PRPF3: variants seen among roughly 807,000 people sequenced by gnomAD.
PRPF3 encodes the protein pre-mRNA processing factor 3.
In PRPF3, 3 loss-of-function variants were observed where a neutral mutation model predicts 89.2. The observed-to-expected ratio is 0.03, with a 90% CI of 0.02 to 0.09. The LOEUF (loss-of-function observed/expected upper bound fraction) is 0.09. Among genes scored for constraint, PRPF3 ranks in the 10% least tolerant of loss-of-function variants. The pLI is 1.00. For missense variants in PRPF3, 463 were observed against 828.8 expected, an observed-to-expected ratio of 0.56 and a Z score of 5.42; for synonymous variants, 270 against 289.1, an observed-to-expected ratio of 0.93 and a Z score of 0.67.
chr1:150,338,121 T>G, intron 7 of PRPF3, 39 bp from the exon 8 acceptor site: 1 of 1,602,422 alleles, frequency 6.2e-7, no homozygotes, highest in Non-Finnish European at 8.5e-7. Context: ...TTTCTATGAC[T>G]CCAATTTATC....
intron 14 of PRPF3, chr1:150,348,850 C>T: frequency 5.4e-6 from 2 of 368,756 alleles, no homozygotes; most frequent in Non-Finnish European, 1.0e-5. Context: ...ATGAAGCCTG[C>T]CTCCCAAAGT....
chr1:150,334,999 G>C lies in PRPF3; in HGVS notation c.793G>C (p.Val265Leu). The C allele has an allele frequency of 6.2e-7, 1 of 1,614,118 alleles. No homozygotes were observed. Residue 265 changes from valine (V) to leucine (L), a missense_variant, in exon 7 of 16, where the codon GTA becomes CTA. This residue lies in a region of PRPF3 where 261 missense variants were observed against 475.8 expected (regional missense o/e 0.55). Coordinates refer to ENST00000324862, the MANE Select transcript of PRPF3 (RefSeq NM_004698.4). ...PLILDEQGRT[V>L]DATGKEIELT... The stretch of plus-strand genomic sequence containing the variant: ...GATCCTGGATGAGCAAGGGCGCACT[G>C]TAGATGCAACAGGCAAGGAGATTGA...
At chr1:150,342,505 TACACACACAC>T (rs147409085) in intron 9 of PRPF3, among the ~76,000 whole-genome samples, 1 of 150,834 alleles carries the variant, frequency 6.6e-6, no homozygotes, top group Non-Finnish European at 1.5e-5. Flanking sequence ...TTAAAGTTTA[TACACACACAC>T]ACACACACAC....
Position 150,344,532 on chromosome 1 carries a change from A to T in PRPF3, c.1625A>T (p.His542Leu). 1 of 1,614,070 alleles carries T rather than the reference A, an allele frequency of 6.2e-7. No homozygotes were observed. The highest frequency in any genetic ancestry group is 8.5e-7 in the Non-Finnish European group (1 of 1,179,976). ...KLKEDISQGV[H>L]ISVYRVRNLS... is the part of the protein sequence containing the mutation. ...AAAGAAGACATTTCACAGGGGGTAC[A>T]CATATCTGTATATAGGTAGGTGTCC... The change falls in exon 12 of 16, where the codon CAC (histidine) becomes CTC (leucine). Residue 542 changes from histidine (H) to leucine (L), a missense_variant. His to Leu is a moderately conservative substitution (Grantham distance 99). This residue lies in a region of PRPF3 where 261 missense variants were observed against 475.8 expected (regional missense o/e 0.55). Coordinates refer to ENST00000324862, the MANE Select transcript of PRPF3 (RefSeq NM_004698.4).
intron 2 of PRPF3, 124 bp from the exon 3 acceptor site, chr1:150,325,627 C>CA (rs782574828): frequency 2.3e-5 from 30 of 1,324,516 alleles, no homozygotes; most frequent in Non-Finnish European, 3.2e-5. Context: ...GGGAATCCTA[C>CA]AAAAAACTTA....
intron 7 of PRPF3, 27 bp from the exon 8 acceptor site, chr1:150,338,133 T>G (rs1553868756): frequency 6.2e-7 from 1 of 1,612,642 alleles, no homozygotes; most frequent in African/African-American, 1.3e-5. Context: ...CAATTTATCT[T>G]TCTGTCTTGG....
At chr1:150,340,318 T>C in intron 8 of PRPF3, 80 bp from the exon 9 acceptor site, 1 of 1,093,046 alleles carries the variant, frequency 9.1e-7, no homozygotes, top group Non-Finnish European at 1.4e-6. Flanking sequence ...GAGTGGGTTT[T>C]TTCATTGTAT....
At chr1:150,332,000 G>A (rs1275812374) in intron 4 of PRPF3, among the ~76,000 whole-genome samples, 6 of 151,912 alleles carry the variant, frequency 3.9e-5, no homozygotes, top group South Asian at 2.1e-4. Context: ...CGAGGTGGGC[G>A]GATCACGAGG....
intron 7 of PRPF3, among the ~76,000 whole-genome samples, chr1:150,337,334 C>T (rs1230034276): frequency 2.6e-5 from 4 of 151,912 alleles, no homozygotes; most frequent in South Asian, 2.1e-4. Flanking sequence ...CCACCACACC[C>T]GGCCATAAAA....
rs1168588697 is a variant in PRPF3 at position 150,346,444 on chromosome 1, T to A, written c.1796T>A (p.Leu599Gln). The A allele has an allele frequency of 6.2e-7, 1 of 1,613,920 alleles. No homozygotes were observed. The highest frequency in any genetic ancestry group is 1.3e-5 in the African/African-American group (1 of 74,900). ...KAQKKFKRLM[L>Q]HRIKWDEQTS... is the part of the protein sequence containing the mutation. ...CAGAAGAAATTTAAGCGTCTTATGC[T>A]GCATCGGATAAAGTGGGATGAACAG... Residue 599 changes from leucine to glutamine, a missense_variant, in exon 14 of 16, where the codon CTG becomes CAG. By Grantham distance (113) the Leu-to-Gln change is moderately radical (BLOSUM62 -2). This residue lies in a region of PRPF3 where 261 missense variants were observed against 475.8 expected (regional missense o/e 0.55). Transcript: ENST00000324862.
intron 1 of PRPF3, among the ~76,000 whole-genome samples, chr1:150,324,554 T>A (rs1446336400): frequency 4.5e-4 from 5 of 11,100 alleles, no homozygotes; most frequent in Non-Finnish European, 3.9e-3. Flanking sequence ...ATCACTTTAG[T>A]CTTTTTTTTT....
intron 4 of PRPF3, chr1:150,330,087 C>CT (rs1656171832): frequency 6.6e-6 from 1 of 152,090 alleles, no homozygotes; most frequent in Non-Finnish European, 1.5e-5. Flanking sequence ...CAAGGTCTCA[C>CT]TTTTTTGTCC....
chr1:150,342,500 G>A (rs1282459161), intron 9 of PRPF3, among the ~76,000 whole-genome samples: 7 of 131,766 alleles, frequency 5.3e-5, no homozygotes, highest in African/African-American at 1.7e-4. Context: ...TCTATTTAAA[G>A]TTTATACACA....
In PRPF3 at chr1:150,335,045, C is replaced by T; in HGVS notation, c.839C>T (p.Thr280Ile). 6.2e-7 allele frequency: 1 copy of T among 1,614,102 alleles called. No homozygotes were observed. The highest frequency in any genetic ancestry group is 8.5e-7 in the Non-Finnish European group (1 of 1,180,012). ...KEIELTHRMP[T>I]LKANIRAVKR... ...ATTGAGCTGACACACCGCATGCCTA[C>T]TCTGAAAGCCAATATTCGTGCTGTG... is the stretch of plus-strand genomic sequence containing the variant. Residue 280 changes from threonine (T) to isoleucine (I), a missense_variant, in exon 7 of 16, where the codon ACT (threonine) becomes ATT (isoleucine). By Grantham distance (89) the Thr-to-Ile change is moderately conservative. Around this residue, in one of 8 missense-constraint regions of PRPF3, gnomAD observed 261 missense variants for 475.8 expected, o/e 0.55. Transcript: ENST00000324862.
chr1:150,328,805 G>T (rs1033324338), intron 4 of PRPF3, among the ~76,000 whole-genome samples: 1 of 151,580 alleles, frequency 6.6e-6, no homozygotes, highest in African/African-American at 2.4e-5. Flanking sequence ...CACTCACCTT[G>T]GCCTCTCAGA....
At position 150,324,890 on chromosome 1, in the gene PRPF3, T is replaced by TTTTTTAGGTG; in HGVS notation, c.-48-3_-48-2insTTTAGGTGTT. 1 of 1,579,690 alleles carries TTTTTTAGGTG rather than the reference T, an allele frequency of 6.3e-7. No homozygotes were observed. On this transcript the variant is annotated splice_region_variant and splice_polypyrimidine_tract_variant and intron_variant, in intron 1 of 15. Transcript: ENST00000324862. ...TTCTCTAACTTGTCTCTTTTTTTTT[T>TTTTTTAGGTG]TTAGGTGTAGTATTGAGTCCTGTTT... is the stretch of plus-strand genomic sequence containing the variant.
chr1:150,344,288 C>A (rs1658067998), intron 11 of PRPF3, 27 bp downstream of exon 11: 1 of 1,613,896 alleles, frequency 6.2e-7, no homozygotes, highest in Admixed American at 1.7e-5. Context: ...TGGGTGGAAA[C>A]CTCGGGCAAG....
chr1:150,333,847 C>T (rs1656686810), intron 6 of PRPF3, among the ~76,000 whole-genome samples: 1 of 152,044 alleles, frequency 6.6e-6, no homozygotes, highest in South Asian at 2.1e-4. Context: ...TGCAACTGGT[C>T]AAAGATGTTA....
At chr1:150,346,865 T>C (rs752754013) in intron 14 of PRPF3, among the ~76,000 whole-genome samples, 21 of 152,058 alleles carry the variant, frequency 1.4e-4, no homozygotes, top group Non-Finnish European at 2.8e-4. Context: ...GGCGGGCAGA[T>C]TGCCTGAGGC....
Sources: allele counts gnomAD v4.1 joint callset (sites outside exome capture counted in the v4.1 genomes callset), GRCh38; gene constraint gnomAD v4.1.1; regional missense constraint gnomAD v4.1.1; transcripts MANE v1.5; gene names NCBI Gene and HGNC (gene_info 2026-07-23, HGNC 2026-07-21).